The following IGDCC3 variants were observed in gnomAD, a reference collection of about 807,000 sequenced individuals.
IGDCC3 encodes the protein immunoglobulin superfamily DCC subclass member 3.
Under a neutral mutation model 72.0 loss-of-function variants are expected in IGDCC3, and 47 were observed. The observed-to-expected ratio is 0.65, with a 90% CI of 0.52 to 0.83. The LOEUF (loss-of-function observed/expected upper bound fraction) is 0.83, where lower values mean the gene tolerates loss of function less well. IGDCC3 is among the 40% of genes least tolerant of loss of function. The pLI is 0.00. For missense variants in IGDCC3, 1,038 were observed against 1,091.3 expected, an observed-to-expected ratio of 0.95 and a Z score of 0.69; for synonymous variants, 477 against 472.8, an observed-to-expected ratio of 1.01 and a Z score of -0.11.
At position 65,334,529 on chromosome 15, in the gene IGDCC3, G is replaced by T. The variant is rs140253517; in HGVS notation, c.823+199C>A. On this transcript the variant is annotated intron_variant, in intron 5 of 13. Coordinates refer to ENST00000327987, the MANE Select transcript of IGDCC3 (RefSeq NM_004884.4). ...AAGCCATCCCTGCAGGGATGAGAAT[G>T]GGGTGGGCAGGCGGGCCTCCCTGGT... The T allele has an allele frequency of 1.7e-3, 926 of 554,200 alleles. 8 individuals carry two copies. The highest frequency in any genetic ancestry group is 0.017 in the African/African-American group (852 of 51,304). 34.3% of individuals were successfully genotyped at this position (554,200 alleles called of 1,614,324 possible).
rs909739665 is a variant in IGDCC3 at position 65,329,695 on chromosome 15, G to A, written c.1997+31C>T. Reference sequence around the variant, plus strand: ...TCTAGGCCTAGTCCCCCACACACCAGCCCAGCCCCTCTCCCTGGCCCAGGA... The same window carrying A: ...TCTAGGCCTAGTCCCCCACACACCAACCCAGCCCCTCTCCCTGGCCCAGGA... On this transcript the variant is annotated intron_variant, in intron 12 of 13. Transcript: ENST00000327987. This position sits in a 1 kb window ranked among gnomAD's most constrained non-coding sequence, Gnocchi z 4.1. 6.2e-7 allele frequency: 1 copy of A among 1,613,368 alleles called. No individual in the cohort carries two copies. Among genetic ancestry groups the A allele is most frequent in the African/African-American group, 1.3e-5 (1 of 74,916 alleles).
At chr15:65,366,045 T>C (rs1303928862) in intron 2 of IGDCC3, among the ~76,000 whole-genome samples, 1 of 151,870 alleles carries the variant, frequency 6.6e-6, no homozygotes, top group Non-Finnish European at 1.5e-5. Flanking sequence ...CAGTATCCAC[T>C]AAAAATACAA....
At chr15:65,356,848 C>CTTGTTTTTTTTTTTTTTT (rs2091225036) in intron 2 of IGDCC3, among the ~76,000 whole-genome samples, 2 of 70,898 alleles carry the variant, frequency 2.8e-5, no homozygotes, top group Non-Finnish European at 5.3e-5. Context: ...AATGGACCTG[C>CTTGTTTTTTTTTTTTTTT]TTTTTTTTTT....
chr15:65,334,038 G>A (rs2141034935), intron 5 of IGDCC3, among the ~76,000 whole-genome samples: 1 of 145,562 alleles, frequency 6.9e-6, no homozygotes, highest in Admixed American at 7.1e-5. Flanking sequence ...CAAGGAGACA[G>A]CTCCCCATTC....
At chr15:65,332,369 G>T (rs546085099) in intron 6 of IGDCC3, among the ~76,000 whole-genome samples, 1 of 152,128 alleles carries the variant, frequency 6.6e-6, no homozygotes, top group African/African-American at 2.4e-5. Flanking sequence ...ACTGACATTT[G>T]TATCCGAAAG....
intron 2 of IGDCC3, chr15:65,374,208 C>T (rs1214888146): frequency 2.0e-5 from 3 of 152,182 alleles, no homozygotes; most frequent in African/African-American, 4.8e-5. Flanking sequence ...AGGGACACCC[C>T]CCCTTCCAGA....
chr15:65,377,258 C>T lies in IGDCC3; in HGVS notation c.103+428G>A, dbSNP rs1419992998. ...GCAGCCGTCAGAGTCCCGGTCTCCG[C>T]TCCCCAGGCTGCTGTCCCCTGTCTT... On this transcript the variant is annotated intron_variant, in intron 1 of 13. Transcript: ENST00000327987. This position sits in a 1 kb window ranked among gnomAD's most constrained non-coding sequence, Gnocchi z 4.9. 5.9e-5 allele frequency among the ~76,000 whole-genome samples: 9 copies of T among 152,194 alleles called. No individual in the cohort carries two copies. The highest frequency in any genetic ancestry group is 3.9e-4 in the Admixed American group (6 of 15,294).
intron 2 of IGDCC3, among the ~76,000 whole-genome samples, chr15:65,366,760 C>T (rs1174468830): frequency 6.6e-6 from 1 of 152,222 alleles, no homozygotes; most frequent in Non-Finnish European, 1.5e-5. Context: ...CCAGCAGCTC[C>T]CCCGGCTTGC....
rs1483542167 is a variant in IGDCC3 at position 65,375,354 on chromosome 15, T to A, written c.152A>T (p.Asp51Val). The A allele has an allele frequency of 6.2e-7, 1 of 1,610,112 alleles. No individual in the cohort carries two copies. ...ELAFAVEPSD[D>V]VAVPGQPIVL... ...TATAGGCTGCCCGGGGACGGCAACATCATCACTTGGCTCCACAGCAAATGC... is the reference window on the plus strand; with the variant it reads ...TATAGGCTGCCCGGGGACGGCAACAACATCACTTGGCTCCACAGCAAATGC... The change falls in exon 2 of 14, where the codon GAT becomes GTT. Residue 51 changes from aspartate to valine, a missense_variant. Transcript: ENST00000327987.
At chr15:65,372,870 T>G (rs2091335347) in intron 2 of IGDCC3, among the ~76,000 whole-genome samples, 1 of 152,118 alleles carries the variant, frequency 6.6e-6, no homozygotes, top group African/African-American at 2.4e-5. Flanking sequence ...GAAAAGCGGA[T>G]CCAGCCGCAC....
At chr15:65,373,133 C>A (rs968805341) in intron 2 of IGDCC3, among the ~76,000 whole-genome samples, 3 of 152,074 alleles carry the variant, frequency 2.0e-5, no homozygotes, top group African/African-American at 7.2e-5. Context: ...ATATATAAGC[C>A]CCTGGGGATT....
intron 2 of IGDCC3, among the ~76,000 whole-genome samples, chr15:65,342,347 T>A (rs1252532984): frequency 6.6e-6 from 1 of 151,488 alleles, no homozygotes; most frequent in Non-Finnish European, 1.5e-5. Flanking sequence ...GATCACGCCA[T>A]TGCACTCCAG....
intron 2 of IGDCC3, chr15:65,355,675 C>CCCCCCCCCCCAA: frequency 3.5e-6 from 1 of 288,522 alleles, no homozygotes. Context: ...CCCGCCCCTC[C>CCCCCCCCCCCAA]CGCATAGCAA....
chr15:65,344,225 A>G (rs2091106457), intron 2 of IGDCC3, among the ~76,000 whole-genome samples: 1 of 152,144 alleles, frequency 6.6e-6, no homozygotes, highest in South Asian at 2.1e-4. Flanking sequence ...AAATAGCCTC[A>G]GGGGACTGTG....
Position 65,377,928 on chromosome 15 carries a change from A to C in IGDCC3, c.-140T>G, listed in dbSNP as rs2091370456. The C allele has an allele frequency of 2.5e-6, 2 of 793,024 alleles. No homozygotes were observed. The highest frequency in any genetic ancestry group is 1.1e-4 in the South Asian group (2 of 17,486). The allele number at this position is 793,024 out of a possible 1,614,324, so 49.1% of individuals were successfully genotyped here. Reference sequence around the variant, plus strand: ...CCAGGCGGTGGGGGACTGGGGCCGCATGCCTGCTCAGCAGCGCGGGGGGCG... The same window carrying C: ...CCAGGCGGTGGGGGACTGGGGCCGCCTGCCTGCTCAGCAGCGCGGGGGGCG... On this transcript the variant is annotated 5_prime_UTR_variant, in exon 1 of 14. The change abolishes an upstream ATG in the 5' untranslated region. Transcript: ENST00000327987. This position sits in a 1 kb window ranked among gnomAD's most constrained non-coding sequence, Gnocchi z 4.9.
chr15:65,350,460 C>CTTTTTTTTTTTTTT (rs59350659), intron 2 of IGDCC3, among the ~76,000 whole-genome samples: 2 of 137,058 alleles, frequency 1.5e-5, no homozygotes, highest in Non-Finnish European at 1.6e-5. Flanking sequence ...TGAGACTTAG[C>CTTTTTTTTTTTTTT]TTTTTTTTTT....
chr15:65,334,460 T>C, intron 5 of IGDCC3: 1 of 402,114 alleles, frequency 2.5e-6, no homozygotes, highest in Non-Finnish European at 4.4e-6. Flanking sequence ...GAGGCCAGGG[T>C]GAGGGGAGGA....
intron 2 of IGDCC3, among the ~76,000 whole-genome samples, chr15:65,365,672 C>CT (rs35994642): frequency 0.34 from 51,921 of 152,008 alleles, 9,162 homozygotes; most frequent in East Asian, 0.52. Flanking sequence ...AGTCTCTCTC[C>CT]TTAGTCTCTG....
rs758106277 is a variant in IGDCC3, at chr15:65,328,878, C to G, written c.*31G>C. On this transcript the variant is annotated 3_prime_UTR_variant, in exon 14 of 14. Coordinates refer to ENST00000327987, the MANE Select transcript of IGDCC3 (RefSeq NM_004884.4). ...TTTGACCTGAGAATGGGCCCCGCTCCGTCCACCCTCTGGAGCCTGCCAGAC... is the reference window on the plus strand; with the variant it reads ...TTTGACCTGAGAATGGGCCCCGCTCGGTCCACCCTCTGGAGCCTGCCAGAC... The G allele has an allele frequency of 2.7e-6, 4 of 1,503,600 alleles. No homozygotes were observed. Among genetic ancestry groups the G allele is most frequent in the Non-Finnish European group, 3.5e-6 (4 of 1,128,614 alleles). 93.1% of individuals were successfully genotyped at this position (1,503,600 alleles called of 1,614,324 possible).
Sources: gnomAD v4.1 joint callset for allele counts (sites outside exome capture counted in the v4.1 genomes callset) on GRCh38, gnomAD v4.1.1 for gene constraint, Gnocchi (gnomAD v3.1) non-coding constraint, MANE v1.5 for transcripts, NCBI Gene and HGNC (gene_info 2026-07-23, HGNC 2026-07-21) for gene names.